Variants in GFPT2 observed in about 807,000 individuals in gnomAD.
GFPT2 encodes glutamine--fructose-6-phosphate aminotransferase [isomerizing] 2.
GFPT2 carries 62 observed loss-of-function variants against 85.6 expected under a neutral mutation model. That is an observed-to-expected ratio of 0.72 (90% CI 0.59 to 0.90). The LOEUF (loss-of-function observed/expected upper bound fraction) is 0.90. GFPT2 is among the 40% of genes least tolerant of loss of function. The probability of loss-of-function intolerance (pLI) is 0.00; values close to 1 mark genes in which losing one functional copy is unlikely to be tolerated. For synonymous variants in GFPT2, 368 were observed against 344.5 expected (o/e 1.07, Z -0.75); for missense variants, 788 against 893.4 (o/e 0.88, Z 1.50).
chr5:180,340,515 T>G (rs2127656613), intron 1 of GFPT2, among the ~76,000 whole-genome samples: 1 of 145,790 alleles, frequency 6.9e-6, no homozygotes, highest in East Asian at 2.0e-4. Context: ...CTGCAGGTTT[T>G]TTTTTTTTTT....
At chr5:180,331,371 CG>C in intron 5 of GFPT2, 123 bp downstream of exon 5, 1 of 662,344 alleles carries the variant, frequency 1.5e-6, no homozygotes, top group Non-Finnish European at 2.7e-6. Flanking sequence ...AACACGGTGA[CG>C]TGGCTGAGTG....
chr5:180,325,875 A>G (rs910255878), intron 7 of GFPT2, among the ~76,000 whole-genome samples: 2 of 152,078 alleles, frequency 1.3e-5, no homozygotes, highest in African/African-American at 4.8e-5. Context: ...AAATACAAAA[A>G]TTAGCTGGGC....
rs1450831592 is a variant in GFPT2 at position 180,301,346 on chromosome 5, CAAT to C, written c.*215_*217del. The C allele has an allele frequency of 6.7e-6, 4 of 598,700 alleles. No homozygotes were observed. The Admixed American group carries it at 1.2e-4, about 19-fold the overall frequency. The allele number at this position is 598,700 out of a possible 1,614,324, so 37.1% of individuals were successfully genotyped here. On this transcript the variant is annotated 3_prime_UTR_variant, in exon 19 of 19. Transcript: ENST00000253778. ...GTCTGCTCTGATCCCCATGTGTAAA[CAAT>C]GATTCCCTTCTCCTCTGGCGACTTC... is the stretch of plus-strand genomic sequence containing the variant.
At chr5:180,347,281 C>G (rs943897050) in intron 1 of GFPT2, among the ~76,000 whole-genome samples, 2 of 152,212 alleles carry the variant, frequency 1.3e-5, no homozygotes, top group Non-Finnish European at 2.9e-5. Flanking sequence ...GGCCCTGGGC[C>G]AAGCATCCTT....
intron 6 of GFPT2, among the ~76,000 whole-genome samples, chr5:180,329,003 AG>A (rs1233293201): frequency 1.3e-5 from 2 of 152,258 alleles, no homozygotes; most frequent in African/African-American, 4.8e-5. Flanking sequence ...GTGCAAAGCC[AG>A]AACTAGAATC....
chr5:180,316,474 A>G lies in GFPT2; in HGVS notation c.1153-13T>C. The G allele has an allele frequency of 1.9e-6, 3 of 1,614,106 alleles. No homozygotes were observed. Among genetic ancestry groups the G allele is most frequent in the Non-Finnish European group, 2.5e-6 (3 of 1,179,942 alleles). ...AAACTTGCCGCGTCTGAAGCCAACAAGCAAGCATGGAGACTAAAGTCAGTC... is the reference window on the plus strand; with the variant it reads ...AAACTTGCCGCGTCTGAAGCCAACAGGCAAGCATGGAGACTAAAGTCAGTC... On this transcript the variant is annotated splice_polypyrimidine_tract_variant and intron_variant, in intron 12 of 18. Transcript: ENST00000253778.
chr5:180,351,793 G>A (rs1417189733), intron 1 of GFPT2, among the ~76,000 whole-genome samples: 1 of 152,194 alleles, frequency 6.6e-6, no homozygotes, highest in African/African-American at 2.4e-5. Flanking sequence ...ATGACAGGCA[G>A]GGGTGGCAGT....
chr5:180,342,517 C>T (rs1764537794), intron 1 of GFPT2, among the ~76,000 whole-genome samples: 1 of 151,410 alleles, frequency 6.6e-6, no homozygotes, highest in Admixed American at 6.6e-5. Context: ...CCAAGCTATC[C>T]CCACAGCCTT....
rs552484086 is a variant in GFPT2 at position 180,319,005 on chromosome 5, C to A, written c.795-49G>T. Reference sequence around the variant, plus strand: ...ATCAGTGCCCTGCCCTGAGCAGTTACGAGGCAGCAGCCCCTTGCTGGTTCC... The same window carrying A: ...ATCAGTGCCCTGCCCTGAGCAGTTAAGAGGCAGCAGCCCCTTGCTGGTTCC... On this transcript the variant is annotated intron_variant, in intron 9 of 18. Transcript: ENST00000253778. 64 of 1,574,396 alleles carry A rather than the reference C, an allele frequency of 4.1e-5. 1 individual carries two copies. In the South Asian group the frequency reaches 4.9e-4, roughly 12 times the overall value.
intron 2 of GFPT2, 146 bp from the exon 3 acceptor site, chr5:180,336,723 T>A (rs1231187535): frequency 4.3e-6 from 3 of 692,688 alleles, no homozygotes; most frequent in Non-Finnish European, 7.8e-6. Context: ...GGAAATCTGC[T>A]CTGAAAGAGG....
Position 180,324,846 on chromosome 5 carries a change from T to C in GFPT2, c.646A>G (p.Thr216Ala), listed in dbSNP as rs1399176944. 4 of 1,611,314 alleles carry C rather than the reference T, an allele frequency of 2.5e-6. No individual in the cohort carries two copies. The highest frequency in any genetic ancestry group is 1.6e-4 in the Middle Eastern group (1 of 6,082). Residue 216 changes from threonine to alanine, a missense_variant, in exon 8 of 19, where the codon ACA (threonine) becomes GCA (alanine). Transcript: ENST00000253778. ...CTGTATAAGATAGGGATCTGTTCTG[T>C]GGAGAGCTTGTATTTGCTCCGGACT... is the stretch of plus-strand genomic sequence containing the variant. ...IGVRSKYKLS[T>A]EQIPILYRTC... is the part of the protein sequence containing the mutation.
Position 180,328,179 on chromosome 5 carries a change from T to G in GFPT2, c.596+98A>C. 1.1e-6 allele frequency: 1 copy of G among 919,850 alleles called. No homozygotes were observed. 57.0% of individuals were successfully genotyped at this position (919,850 alleles called of 1,614,324 possible). On this transcript the variant is annotated intron_variant, in intron 7 of 18. Transcript: ENST00000253778. This position sits in a 1 kb window ranked among gnomAD's most constrained non-coding sequence, Gnocchi z 5.4. ...TGTTCTTTAGACACCACGAGCACCT[T>G]TCAGCGTGCCACAGGCCCTACCTCT...
rs371463333 is a variant in GFPT2, at chr5:180,316,369, A to C, written c.1245T>G (p.Asp415Glu). Residue 415 changes from aspartate (D) to glutamate (E), a missense_variant, in exon 13 of 19, where the codon GAT (aspartate) becomes GAG (glutamate). Asp to Glu is a conservative substitution (Grantham distance 45, BLOSUM62 2). Transcript: ENST00000253778. ...FLDRNTPVFR[D>E]DVCFFISQSG... ...ACTGGCTGATGAAAAAGCAAACGTC[A>C]TCCCTGAACACAGGTGTGTTCCTGT... 6.2e-7 allele frequency: 1 copy of C among 1,614,158 alleles called. No homozygotes were observed. The highest frequency in any genetic ancestry group is 1.7e-5 in the Admixed American group (1 of 60,028).
chr5:180,345,458 G>A (rs998193466), intron 1 of GFPT2, among the ~76,000 whole-genome samples: 1 of 152,276 alleles, frequency 6.6e-6, no homozygotes, highest in African/African-American at 2.4e-5. Context: ...CTTCCCGCTG[G>A]GGTGGGAGTA....
At chr5:180,338,944 C>G (rs1457290547) in intron 1 of GFPT2, among the ~76,000 whole-genome samples, 2 of 152,238 alleles carry the variant, frequency 1.3e-5, no homozygotes, top group African/African-American at 2.4e-5. Context: ...AAGTCCCCAC[C>G]TCCATGCACT....
At chr5:180,351,747 G>A (rs1764715749) in intron 1 of GFPT2, among the ~76,000 whole-genome samples, 1 of 152,176 alleles carries the variant, frequency 6.6e-6, no homozygotes, top group Non-Finnish European at 1.5e-5. Context: ...AGCTCAGAGA[G>A]ACTTGGGAAA....
chr5:180,352,561 T>C (rs778103743), intron 1 of GFPT2: 3 of 448,886 alleles, frequency 6.7e-6, no homozygotes, highest in South Asian at 3.1e-5. Context: ...GGACTCCCTC[T>C]CGTGGCTTCG....
rs775380928 is a variant in GFPT2, at chr5:180,336,523, A to G, written c.170T>C (p.Val57Ala). The G allele has an allele frequency of 6.2e-7, 1 of 1,612,014 alleles. No individual in the cohort carries two copies. The highest frequency in any genetic ancestry group is 2.2e-5 in the East Asian group (1 of 44,868). Residue 57 changes from valine (V) to alanine (A), a missense_variant, in exon 3 of 19, where the codon GTC (valine) becomes GCC (alanine). Val to Ala is a moderately conservative substitution (Grantham distance 64). Transcript: ENST00000253778. ...AGCCTTGACTTTCCCCCTTTTCTTG[A>G]CCAGCTGAATGTGTCTTTCTTTGAC... ...HEVKERHIQL[V>A]KKRGKVKALD...
Position 180,318,422 on chromosome 5 carries a change from T to C in GFPT2, c.958+371A>G, listed in dbSNP as rs2127650545. Among the ~76,000 whole-genome samples the C allele has an allele frequency of 6.6e-6, 1 of 152,174 alleles. No individual in the cohort carries two copies. The highest frequency in any genetic ancestry group is 2.4e-5 in the African/African-American group (1 of 41,524). On this transcript the variant is annotated intron_variant, in intron 10 of 18. Transcript: ENST00000253778. The surrounding 1 kb of genome is among the most constrained non-coding windows in gnomAD (Gnocchi z 4.2). ...GGTGCAGACAGAGAGGCTCTCCTTG[T>C]AGGGAGAAAGTGTACCCCCACCCCC...
Sources: gnomAD v4.1 joint callset for allele counts (sites outside exome capture counted in the v4.1 genomes callset) on GRCh38, gnomAD v4.1.1 for gene constraint, Gnocchi (gnomAD v3.1) non-coding constraint, MANE v1.5 for transcripts, NCBI Gene and HGNC (gene_info 2026-07-23, HGNC 2026-07-21) for gene names.